The following TLE2 variants were observed in gnomAD, a reference collection of about 807,000 sequenced individuals.
TLE2 encodes TLE family member 2, transcriptional corepressor, also known as transducin-like enhancer protein 2.
Under a neutral mutation model 97.2 loss-of-function variants are expected in TLE2, and 74 were observed. That is an observed-to-expected ratio of 0.76 (90% CI 0.63 to 0.92). The LOEUF (loss-of-function observed/expected upper bound fraction) is 0.92. TLE2 is among the 40% of genes least tolerant of loss of function. The pLI, the probability that TLE2 is intolerant of heterozygous loss-of-function variation, is 0.00. For missense variants in TLE2, 1,038 were observed against 1,008.7 expected, an observed-to-expected ratio of 1.03 and a Z score of -0.39; for synonymous variants, 499 against 432.1, an observed-to-expected ratio of 1.15 and a Z score of -1.92.
intron 19 of TLE2, among the ~76,000 whole-genome samples, chr19:2,998,594 A>G (rs548334470): frequency 1.3e-5 from 2 of 152,154 alleles, no homozygotes; most frequent in South Asian, 4.2e-4. Context: ...TTGTATTTTT[A>G]GTAGAGACTG....
rs2089482031 is a variant in TLE2, at chr19:3,006,512, G to A, written c.1408C>T (p.Gln470Ter). 1.2e-6 allele frequency: 2 copies of A among 1,608,304 alleles called. No individual in the cohort carries two copies. The highest frequency in any genetic ancestry group is 2.2e-5 in the South Asian group (2 of 90,244). The part of the protein sequence containing the change: ...VCAVTISGST[Q>*]HVYTGGKGCV... Reference sequence around the variant, plus strand: ...CCCTTGCCGCCCGTGTACACATGCTGTGTGGAGCCGCTGATGGTGACCGCG... The same window carrying A: ...CCCTTGCCGCCCGTGTACACATGCTATGTGGAGCCGCTGATGGTGACCGCG... The change falls in exon 15 of 20, where the codon CAG becomes TAG. Residue 470 changes from glutamine (Q) to a stop codon, truncating the protein, a stop_gained. Coordinates refer to ENST00000262953, the MANE Select transcript of TLE2 (RefSeq NM_003260.5). LOFTEE classifies it high-confidence loss of function.
chr19:3,017,950 T>A, intron 7 of TLE2, 91 bp from the exon 8 acceptor site: 2 of 1,270,436 alleles, frequency 1.6e-6, no homozygotes, highest in Admixed American at 2.1e-5. Context: ...CTCCAGTTTA[T>A]AAAGCCCCCC....
intron 8 of TLE2, among the ~76,000 whole-genome samples, chr19:3,017,301 C>T (rs1001070955): frequency 7.2e-5 from 11 of 151,728 alleles, no homozygotes; most frequent in African/African-American, 2.4e-4. Context: ...CCACGTTTGG[C>T]TAATTTTTGA....
chr19:3,017,907 G>A (rs1202052656), intron 7 of TLE2, 48 bp from the exon 8 acceptor site: 14 of 1,596,584 alleles, frequency 8.8e-6, no homozygotes, highest in African/African-American at 1.3e-5. Flanking sequence ...AAAGAATGAG[G>A]CGTTTGTATC....
chr19:3,015,130 C>T (rs1207689395), intron 9 of TLE2, among the ~76,000 whole-genome samples: 2 of 150,930 alleles, frequency 1.3e-5, no homozygotes, highest in Non-Finnish European at 1.5e-5. Flanking sequence ...CAATATTGGC[C>T]CACCCTGAGC....
At chr19:3,046,357 CCTGA>C (rs2090140952), upstream of TLE2, among the ~76,000 whole-genome samples, 1 of 152,224 alleles carries the variant, frequency 6.6e-6, no homozygotes, top group African/African-American at 2.4e-5. Context: ...ACCTGGCCGG[CCTGA>C]CTGTGAATGT....
chr19:3,024,053 C>T (rs4806896), intron 5 of TLE2, among the ~76,000 whole-genome samples: 44,536 of 143,734 alleles, frequency 0.31, 7,379 homozygotes, highest in African/African-American at 0.41. Context: ...TGGAGTGCAG[C>T]GGCGCAATCT....
chr19:3,044,875 A>G (rs1021274412), intron 1 of TLE2, among the ~76,000 whole-genome samples: 10 of 152,228 alleles, frequency 6.6e-5, no homozygotes, highest in African/African-American at 2.4e-4. Context: ...GGACAAGAGA[A>G]TATTTGTTGG....
intron 9 of TLE2, 97 bp downstream of exon 9, chr19:3,015,555 GA>G (rs1206016788): frequency 1.1e-6 from 1 of 942,992 alleles, no homozygotes; most frequent in Non-Finnish European, 1.6e-6. Context: ...TCCGGAGTGA[GA>G]GAATTATGGC....
At chr19:3,031,341 ATTGTGTGTGTGTGTGTGTGTGTGT>A (rs764586642), upstream of TLE2, among the ~76,000 whole-genome samples, 1 of 102,980 alleles carries the variant, frequency 9.7e-6, no homozygotes, top group African/African-American at 3.6e-5. Flanking sequence ...TAAAGATACA[ATTGTGTGTGTGTGTGTGTGTGTGT>A]GTGTGTGTGT....
At chr19:3,015,189 A>AG (rs1168124997) in intron 9 of TLE2, among the ~76,000 whole-genome samples, 1 of 152,044 alleles carries the variant, frequency 6.6e-6, no homozygotes, top group East Asian at 1.9e-4. Context: ...AGGTGGGAGA[A>AG]GGGGCTCCCC....
chr19:3,014,524 T>C, intron 10 of TLE2, 46 bp downstream of exon 10: 1 of 1,511,326 alleles, frequency 6.6e-7, no homozygotes, highest in Non-Finnish European at 8.9e-7. Context: ...ACCCACCCCT[T>C]GCTCTGTGCC....
chr19:3,041,726 C>G (rs1214730553), intron 1 of TLE2, among the ~76,000 whole-genome samples: 2 of 152,264 alleles, frequency 1.3e-5, no homozygotes, highest in Non-Finnish European at 2.9e-5. Context: ...CCGTGATACC[C>G]AAGCCTGGCA....
chr19:3,000,036 A>G (rs1339129380), intron 19 of TLE2, among the ~76,000 whole-genome samples: 1 of 151,438 alleles, frequency 6.6e-6, no homozygotes, highest in Non-Finnish European at 1.5e-5. Flanking sequence ...CTGTCTCCAA[A>G]AAAAAAGAAG....
intron 5 of TLE2, among the ~76,000 whole-genome samples, chr19:3,024,452 C>T (rs1037791981): frequency 5.3e-5 from 8 of 152,086 alleles, no homozygotes; most frequent in African/African-American, 9.7e-5. Flanking sequence ...TCTCACTCCC[C>T]GTCCCCTCCC....
At chr19:2,998,276 T>TGTGTGTGTG (rs1339449267) in intron 19 of TLE2, among the ~76,000 whole-genome samples, 1 of 76,018 alleles carries the variant, frequency 1.3e-5, no homozygotes, top group African/African-American at 5.5e-5. Context: ...TGTGTGTGTG[T>TGTGTGTGTG]AATTTTTTTT....
At chr19:3,032,570 C>T (rs1020059105), upstream of TLE2, among the ~76,000 whole-genome samples, 13 of 152,070 alleles carry the variant, frequency 8.5e-5, no homozygotes, top group Non-Finnish European at 1.3e-4. This position sits in a 1 kb window ranked among gnomAD's most constrained non-coding sequence, Gnocchi z 4.1. Flanking sequence ...TATGTTTACT[C>T]GGAGGTTGTT....
Position 3,009,665 on chromosome 19 carries a change from G to C in TLE2, c.1050C>G (p.Thr350=). 6.2e-7 allele frequency: 1 copy of C among 1,612,970 alleles called. No individual in the cohort carries two copies. Among genetic ancestry groups the C allele is most frequent in the East Asian group, 2.2e-5 (1 of 44,868 alleles). ...RSPLTLSSPF[T]TSFSLGSHST... is the part of the protein sequence containing the mutation. The stretch of plus-strand genomic sequence containing the variant: ...TGTGGGAGCCCAGGCTGAAGGACGT[G>C]GTGAAGGGACTGGACAGAGTCAGGG... The change falls in exon 13 of 20, where the codon ACC becomes ACG. Residue 350 remains threonine, a synonymous_variant. Coordinates refer to ENST00000262953, the MANE Select transcript of TLE2 (RefSeq NM_003260.5).
chr19:3,039,692 A>G (rs180695648), intron 1 of TLE2, among the ~76,000 whole-genome samples: 11 of 152,192 alleles, frequency 7.2e-5, no homozygotes, highest in African/African-American at 2.4e-4. Context: ...TTATTGGGAG[A>G]GTAAGTGGAC....
Sources: allele counts gnomAD v4.1 joint callset (sites outside exome capture counted in the v4.1 genomes callset), GRCh38; gene constraint gnomAD v4.1.1; non-coding constraint Gnocchi (gnomAD v3.1); transcripts MANE v1.5; gene names NCBI Gene and HGNC (gene_info 2026-07-23, HGNC 2026-07-21).